Variants in RNF213 observed in about 807,000 individuals in gnomAD.
RNF213 encodes the protein ring finger protein 213, also known as E3 ubiquitin-protein ligase RNF213.
Under a neutral mutation model 514.4 loss-of-function variants are expected in RNF213, and 341 were observed. The ratio of observed to expected loss-of-function variants is 0.66; its 90% confidence interval spans 0.61 to 0.73. RNF213 has a LOEUF of 0.73. RNF213 is among the 30% of genes least tolerant of loss of function. The pLI is 0.00. For missense variants in RNF213, 5,767 were observed against 6,615.6 expected, an observed-to-expected ratio of 0.87 and a Z score of 4.45; for synonymous variants, 2,655 against 2,658.2, an observed-to-expected ratio of 1.00 and a Z score of 0.04.
chr17:80,360,031 C>G, intron 37 of RNF213, 30 bp from the exon 38 acceptor site: 1 of 1,612,924 alleles, frequency 6.2e-7, no homozygotes, highest in Non-Finnish European at 8.5e-7. Flanking sequence ...CTCACAAACC[C>G]TCTTCTTATC....
chr17:80,376,083 T>C (rs1309854160), intron 51 of RNF213, among the ~76,000 whole-genome samples: 2 of 152,196 alleles, frequency 1.3e-5, no homozygotes, highest in African/African-American at 4.8e-5. Flanking sequence ...CATAAGATAA[T>C]GTTTAACAGA....
chr17:80,312,454 T>TCTCCTGTGTCTAA, intron 14 of RNF213, among the ~76,000 whole-genome samples: 2 of 130,416 alleles, frequency 1.5e-5, no homozygotes, highest in African/African-American at 6.0e-5. Flanking sequence ...AGCCTGGCTG[T>TCTCCTGTGTCTAA]GGTCTGGCAT....
At chr17:80,388,794 GC>G in intron 64 of RNF213, 105 bp downstream of exon 64, 2 of 919,376 alleles carry the variant, frequency 2.2e-6, no homozygotes, top group Non-Finnish European at 3.6e-6. Context: ...TTTGCTGTGA[GC>G]CCACAGTTTC....
intron 36 of RNF213, among the ~76,000 whole-genome samples, chr17:80,356,087 C>G (rs1223888924): frequency 6.6e-6 from 1 of 151,914 alleles, no homozygotes; most frequent in Non-Finnish European, 1.5e-5. Flanking sequence ...CTGAAACTTC[C>G]ACCTCCTGGG....
In RNF213 at chr17:80,347,875, G is replaced by A; in HGVS notation, c.9540G>A (p.Leu3180=). The change falls in exon 29 of 68, where the codon CTG becomes CTA. Residue 3180 remains leucine (L), a synonymous_variant. Transcript: ENST00000582970. The surrounding 1 kb of genome is among the most constrained non-coding windows in gnomAD (Gnocchi z 7.2). ...EKHYLDINTV[L]EKWQKSIVEE... The stretch of plus-strand genomic sequence containing the variant: ...ACTATCTGGATATCAACACGGTGCT[G>A]GAGAAATGGCAGAAGAGCATCGTGG... 1 of 1,614,250 alleles carries A rather than the reference G, an allele frequency of 6.2e-7. No individual in the cohort carries two copies. Among genetic ancestry groups the A allele is most frequent in the Middle Eastern group, 1.6e-4 (1 of 6,062 alleles).
rs904537624 is a variant in RNF213, at chr17:80,393,867, CTCT to C, written c.*371_*373del. 9.2e-5 allele frequency: 23 copies of C among 248,840 alleles called. No individual in the cohort carries two copies. Among genetic ancestry groups the C allele is most frequent in the African/African-American group, 3.6e-4 (16 of 44,200 alleles). 15.4% of individuals were successfully genotyped at this position (248,840 alleles called of 1,614,324 possible). The stretch of plus-strand genomic sequence containing the variant: ...CGTTCGCCTCTGGCACTGCCCACCC[CTCT>C]TTTTTTTTTTCTTCTAATTCTGTAC... On this transcript the variant is annotated 3_prime_UTR_variant, in exon 68 of 68. Transcript: ENST00000582970.
chr17:80,380,402 A>G (rs2079943852), intron 55 of RNF213, among the ~76,000 whole-genome samples: 1 of 152,118 alleles, frequency 6.6e-6, no homozygotes, highest in South Asian at 2.1e-4. Context: ...GCCACACTGC[A>G]TCTCCTCTCT....
At chr17:80,381,813 C>T in intron 57 of RNF213, 86 bp downstream of exon 57, 1 of 1,213,098 alleles carries the variant, frequency 8.2e-7, no homozygotes. Flanking sequence ...CCACCCCACA[C>T]ACAGCCAGTC....
At chr17:80,268,625 AT>A in intron 2 of RNF213, among the ~76,000 whole-genome samples, 3 of 131,702 alleles carry the variant, frequency 2.3e-5, no homozygotes, top group Middle Eastern at 7.1e-3. Flanking sequence ...CCATCCATCC[AT>A]CCATCCATCC....
At chr17:80,286,526 A>T (rs1310124396) in intron 3 of RNF213, among the ~76,000 whole-genome samples, 1 of 152,000 alleles carries the variant, frequency 6.6e-6, no homozygotes, top group Non-Finnish European at 1.5e-5. Context: ...TGGGCCACAC[A>T]GGGGCCGACC....
chr17:80,385,478 G>A (rs1254921721), intron 60 of RNF213, 60 bp from the exon 61 acceptor site: 18 of 1,407,178 alleles, frequency 1.3e-5, no homozygotes, highest in Non-Finnish European at 1.7e-5. Context: ...TAACTAGGGT[G>A]GTTTGGCCCT....
At chr17:80,298,269 A>G in intron 10 of RNF213, 52 bp from the exon 11 acceptor site, 1 of 1,591,652 alleles carries the variant, frequency 6.3e-7, no homozygotes, top group South Asian at 1.1e-5. Flanking sequence ...ACTCCCAGGG[A>G]GATGACTCCC....
Position 80,280,903 on chromosome 17 carries a change from G to A in RNF213, c.262-6912G>A, listed in dbSNP as rs565892663. On this transcript the variant is annotated intron_variant, in intron 3 of 67. Transcript: ENST00000582970. The stretch of plus-strand genomic sequence containing the variant: ...CATTCCCACGGAGTAACAGAGGCGC[G>A]ACCTGGGGATGCGCACGGAGCATGA... Among the ~76,000 whole-genome samples the A allele has an allele frequency of 2.0e-3, 297 of 152,196 alleles. 1 individual carries two copies. The highest frequency in any genetic ancestry group is 6.8e-3 in the African/African-American group (282 of 41,504).
chr17:80,359,994 G>A (rs1158170804), intron 37 of RNF213, 67 bp from the exon 38 acceptor site: 1 of 1,554,942 alleles, frequency 6.4e-7, no homozygotes, highest in Non-Finnish European at 8.8e-7. Context: ...ATCAGTGGCA[G>A]ATCTTATCTT....
Position 80,396,725 on chromosome 17 carries a change from TTCCCCC to T in RNF213, c.*3228_*3233del, listed in dbSNP as rs1339681694. On this transcript the variant is annotated 3_prime_UTR_variant, in exon 68 of 68. Transcript: ENST00000582970. ...AAAAACAAGCGCCAGGAAAGTGCATTTCCCCCCCACCCCCCCCCCCCAACCAGAGCA... is the reference window on the plus strand; with the variant it reads ...AAAAACAAGCGCCAGGAAAGTGCATTCCACCCCCCCCCCCCAACCAGAGCA... 9 of 67,710 alleles carry T rather than the reference TTCCCCC, an allele frequency of 1.3e-4. 1 individual carries two copies. The highest frequency in any genetic ancestry group is 2.6e-4 in the Non-Finnish European group (8 of 30,656). 4.2% of individuals were successfully genotyped at this position (67,710 alleles called of 1,614,324 possible). A position where few individuals can be genotyped will look rare whatever the true frequency, so the allele number is the denominator to read the frequency against.
At chr17:80,266,198 T>C (rs2043605582) in intron 2 of RNF213, among the ~76,000 whole-genome samples, 1 of 151,688 alleles carries the variant, frequency 6.6e-6, no homozygotes, top group African/African-American at 2.4e-5. Context: ...TCCCAGCACT[T>C]TGGGAGGCCG....
intron 38 of RNF213, chr17:80,360,526 C>CT (rs2079016661): frequency 5.2e-6 from 2 of 388,244 alleles, no homozygotes; most frequent in Admixed American, 7.3e-5. Context: ...ACTGTCGCCT[C>CT]TATCAGCTGG....
Position 80,290,468 on chromosome 17 carries a change from TGCACGTGTGTGTGC to T in RNF213, c.1113-88_1113-75del, listed in dbSNP as rs1433630969. 1.4e-3 allele frequency: 1,971 copies of T among 1,380,308 alleles called. 18 individuals carry two copies. The African/African-American group carries it at 0.019, about 13-fold the overall frequency. 85.5% of individuals were successfully genotyped at this position (1,380,308 alleles called of 1,614,324 possible). A position where few individuals can be genotyped will look rare whatever the true frequency, so the allele number is the denominator to read the frequency against. On this transcript the variant is annotated intron_variant, in intron 6 of 67. Transcript: ENST00000582970. The stretch of plus-strand genomic sequence containing the variant: ...GTGTGTGTGCGAGTGCATGTGTGTG[TGCACGTGTGTGTGC>T]GCACGTGTGTGTGTGCGCGTGTGTG...
At chr17:80,293,856 G>A (rs1320596507) in intron 8 of RNF213, among the ~76,000 whole-genome samples, 1 of 151,648 alleles carries the variant, frequency 6.6e-6, no homozygotes, top group Non-Finnish European at 1.5e-5. Context: ...TAGGGGATTT[G>A]ACCTGGAGGT....
Sources: gnomAD v4.1 joint callset for allele counts (sites outside exome capture counted in the v4.1 genomes callset) on GRCh38, gnomAD v4.1.1 for gene constraint, Gnocchi (gnomAD v3.1) non-coding constraint, MANE v1.5 for transcripts, NCBI Gene and HGNC (gene_info 2026-07-23, HGNC 2026-07-21) for gene names.